ZFPM2: variants seen among roughly 807,000 people sequenced by gnomAD.
ZFPM2 encodes zinc finger protein, FOG family member 2.
ZFPM2 carries 20 observed loss-of-function variants against 98.6 expected under a neutral mutation model. That is an observed-to-expected ratio of 0.20 (90% CI 0.14 to 0.29). The LOEUF (loss-of-function observed/expected upper bound fraction) is 0.29, where lower values mean the gene tolerates loss of function less well. Ranked by LOEUF, ZFPM2 falls within the 10% of genes least tolerant of loss-of-function variation. The pLI is 1.00. For missense variants in ZFPM2, 1,310 were observed against 1,388.6 expected (o/e 0.94, Z 0.90); for synonymous variants, 518 against 502.7 (o/e 1.03, Z -0.41).
intron 3 of ZFPM2, among the ~76,000 whole-genome samples, chr8:105,496,519 C>G (rs1813470544): frequency 6.6e-6 from 1 of 152,018 alleles, no homozygotes; most frequent in Admixed American, 6.6e-5. Flanking sequence ...ATATGCCTTT[C>G]CCAGTGCATC....
chr8:105,711,306 A>G (rs1465235104), intron 5 of ZFPM2, among the ~76,000 whole-genome samples: 1 of 151,904 alleles, frequency 6.6e-6, no homozygotes, highest in Non-Finnish European at 1.5e-5. Flanking sequence ...TATTCCTCTT[A>G]CTTCCCAGCC....
chr8:105,715,706 C>G (rs550832451), intron 5 of ZFPM2, among the ~76,000 whole-genome samples: 20 of 152,048 alleles, frequency 1.3e-4, no homozygotes, highest in African/African-American at 4.6e-4. Flanking sequence ...TGCTAGAGCT[C>G]CAAATCCAAC....
chr8:105,514,834 T>G (rs2130521472), intron 3 of ZFPM2, among the ~76,000 whole-genome samples: 1 of 152,350 alleles, frequency 6.6e-6, no homozygotes, highest in African/African-American at 2.4e-5. Context: ...AAGCTTTTTT[T>G]GGTTTGTTTC....
At chr8:105,591,527 G>A (rs1450165) in intron 4 of ZFPM2, among the ~76,000 whole-genome samples, 1 of 152,072 alleles carries the variant, frequency 6.6e-6, no homozygotes, top group South Asian at 2.1e-4. Flanking sequence ...TTTTAAACTT[G>A]TACACCAGAA....
intron 5 of ZFPM2, among the ~76,000 whole-genome samples, chr8:105,692,914 T>C (rs1810921698): frequency 6.6e-6 from 1 of 152,216 alleles, no homozygotes; most frequent in Non-Finnish European, 1.5e-5. Context: ...AGAAATTCTT[T>C]CTGCACAGAG....
chr8:105,330,176 A>G (rs1812184856), intron 1 of ZFPM2, among the ~76,000 whole-genome samples: 1 of 151,576 alleles, frequency 6.6e-6, no homozygotes, highest in Admixed American at 6.6e-5. Context: ...GACAGCCTGC[A>G]TTTGAATTTA....
intron 3 of ZFPM2, among the ~76,000 whole-genome samples, chr8:105,534,040 CTCCCT>C: frequency 2.5e-5 from 1 of 40,520 alleles, no homozygotes; most frequent in Admixed American, 2.4e-4. Context: ...CCCTCCCTCC[CTCCCT>C]TCCTCCCTTC....
chr8:105,780,405 C>T (rs1244267332), intron 5 of ZFPM2: 1 of 152,118 alleles, frequency 6.6e-6, no homozygotes, highest in East Asian at 1.9e-4. Context: ...AAATAAATCA[C>T]TTCAAAATAA....
At chr8:105,744,374 G>A (rs1812294780) in intron 5 of ZFPM2, among the ~76,000 whole-genome samples, 1 of 152,092 alleles carries the variant, frequency 6.6e-6, no homozygotes, top group Admixed American at 6.6e-5. Context: ...ACCTTTGGAT[G>A]ACCAGCACAT....
intron 4 of ZFPM2, among the ~76,000 whole-genome samples, chr8:105,607,267 G>T (rs867634600): frequency 6.6e-6 from 1 of 152,058 alleles, no homozygotes; most frequent in South Asian, 2.1e-4. Flanking sequence ...CTCAGATTCT[G>T]CCAAGAAAAC....
chr8:105,508,729 ATTTAC>A (rs971864858), intron 3 of ZFPM2, among the ~76,000 whole-genome samples: 1 of 150,516 alleles, frequency 6.6e-6, no homozygotes, highest in African/African-American at 2.5e-5. Context: ...TTCATGCTTG[ATTTAC>A]TTTAATTTGT....
intron 1 of ZFPM2, among the ~76,000 whole-genome samples, chr8:105,405,729 G>T (rs556695130): frequency 1.3e-5 from 2 of 152,012 alleles, no homozygotes; most frequent in South Asian, 2.1e-4. Context: ...GTATAGTGCC[G>T]CAATAAACAT....
At chr8:105,460,779 T>C (rs897332633) in intron 3 of ZFPM2, among the ~76,000 whole-genome samples, 12 of 102,802 alleles carry the variant, frequency 1.2e-4, no homozygotes, top group African/African-American at 4.4e-4. Flanking sequence ...GAACCACTTA[T>C]TATCCTGAAA....
chr8:105,613,892 A>AAG (rs762566931), intron 4 of ZFPM2, among the ~76,000 whole-genome samples: 85 of 152,310 alleles, frequency 5.6e-4, no homozygotes, highest in Non-Finnish European at 1.0e-3. Context: ...ACATGATGTA[A>AAG]CTGTCTTTCA....
At chr8:105,370,665 C>T (rs576496038) in intron 1 of ZFPM2, among the ~76,000 whole-genome samples, 1 of 152,346 alleles carries the variant, frequency 6.6e-6, no homozygotes, top group Non-Finnish European at 1.5e-5. Context: ...AAGTGCACCA[C>T]AGCTCCTCTT....
At chr8:105,618,371 G>A (rs1816463254) in intron 4 of ZFPM2, among the ~76,000 whole-genome samples, 1 of 152,090 alleles carries the variant, frequency 6.6e-6, no homozygotes, top group East Asian at 1.9e-4. Context: ...TAGACTCTCA[G>A]TTTTTATCTT....
chr8:105,340,842 C>T, intron 1 of ZFPM2, among the ~76,000 whole-genome samples: 1 of 151,816 alleles, frequency 6.6e-6, no homozygotes, highest in East Asian at 1.9e-4. Flanking sequence ...TTCAGATTGG[C>T]ATAAGTATAC....
intron 1 of ZFPM2, among the ~76,000 whole-genome samples, chr8:105,384,340 G>A (rs910862471): frequency 1.3e-5 from 2 of 152,134 alleles, no homozygotes; most frequent in Non-Finnish European, 2.9e-5. Flanking sequence ...GAATTCTCCT[G>A]ATGGAAGAGA....
intron 5 of ZFPM2, among the ~76,000 whole-genome samples, chr8:105,662,023 C>T (rs1267801771): frequency 6.6e-6 from 1 of 151,604 alleles, no homozygotes; most frequent in African/African-American, 2.4e-5. Context: ...TGGATAAAAC[C>T]AATTGGCAAC....
Sources: gnomAD v4.1 joint callset for allele counts (sites outside exome capture counted in the v4.1 genomes callset) on GRCh38, gnomAD v4.1.1 for gene constraint, MANE v1.5 for transcripts, NCBI Gene and HGNC (gene_info 2026-07-23, HGNC 2026-07-21) for gene names.